The following ACP2 variants were observed in gnomAD, a reference collection of about 807,000 sequenced individuals.
ACP2 encodes the protein lysosomal acid phosphatase.
ACP2 carries 35 observed loss-of-function variants against 54.7 expected under a neutral mutation model. The observed-to-expected ratio is 0.64, with a 90% CI of 0.49 to 0.85. The LOEUF is 0.85. ACP2 is among the 40% of genes least tolerant of loss of function. The pLI is 0.00. For missense variants in ACP2, 492 were observed against 565.0 expected (o/e 0.87, Z 1.31); for synonymous variants, 210 against 224.4 (o/e 0.94, Z 0.57).
intron 6 of ACP2, 76 bp downstream of exon 6, chr11:47,245,229 G>A: frequency 6.7e-7 from 1 of 1,481,796 alleles, no homozygotes; most frequent in East Asian, 2.3e-5. Flanking sequence ...ATCAGGCACT[G>A]TGTTCTACCG....
chr11:47,247,580 G>A, intron 3 of ACP2, 61 bp downstream of exon 3: 1 of 1,597,992 alleles, frequency 6.3e-7, no homozygotes, highest in Non-Finnish European at 8.6e-7. Flanking sequence ...TAGGCTCCCT[G>A]AGGGCAAAAG....
In ACP2 at chr11:47,244,877, G is replaced by A. The variant is rs540263516; in HGVS notation, c.640-10C>T. ...GCAGCCCGTGCGTTTGCTGTGTATC[G>A]CAGCAGGCAGGTTAGCGCCCCAGGC... On this transcript the variant is annotated splice_polypyrimidine_tract_variant and intron_variant, in intron 6 of 10. Transcript: ENST00000672073. 2.1e-5 allele frequency: 34 copies of A among 1,594,810 alleles called. 2 individuals are homozygous for A. Among genetic ancestry groups the A allele is most frequent in the South Asian group, 1.9e-4 (17 of 89,722 alleles).
chr11:47,245,885 T>TGTG (rs1554977125), intron 3 of ACP2, 51 bp from the exon 4 acceptor site: 165 of 1,498,696 alleles, frequency 1.1e-4, no homozygotes, highest in Admixed American at 9.4e-4. Context: ...TGTGTGTGTG[T>TGTG]TGGGGAAGTT....
At position 47,245,522 on chromosome 11, in the gene ACP2, G is replaced by T; in HGVS notation, c.501C>A (p.Asn167Lys). Residue 167 changes from asparagine to lysine, a missense_variant, in exon 5 of 11, where the codon AAC becomes AAA. Asn to Lys is a moderately conservative substitution (Grantham distance 94). Coordinates refer to ENST00000672073, the MANE Select transcript of ACP2 (RefSeq NM_001610.4). Reference sequence around the variant, plus strand: ...GATACTCTGGTGTCTGCCGGGTCTCGTTCTGCAGCTGCTCATAACGGGGAC... The same window carrying T: ...GATACTCTGGTGTCTGCCGGGTCTCTTTCTGCAGCTGCTCATAACGGGGAC... ...GPCPRYEQLQ[N>K]ETRQTPEYQN... The T allele has an allele frequency of 6.2e-7, 1 of 1,614,230 alleles. No individual in the cohort carries two copies.
chr11:47,248,427 C>A (rs1258576415), intron 1 of ACP2: 6 of 1,537,386 alleles, frequency 3.9e-6, no homozygotes, highest in Non-Finnish European at 5.2e-6. Flanking sequence ...TAACCAAAGG[C>A]TTCTTTAGGG....
chr11:47,240,227 T>C lies in ACP2; in HGVS notation c.1161A>G (p.Val387=). Residue 387 remains valine (V), a synonymous_variant, in exon 11 of 11, where the codon GTA becomes GTG. Coordinates refer to ENST00000672073, the MANE Select transcript of ACP2 (RefSeq NM_001610.4). The part of the protein sequence containing the change: ...ADTEVIVALA[V]CGSILFLLIV... ...TGAGGAGGAAGAGGATGGAGCCACA[T>C]ACAGCCAAGGCCACAATCACCTCTG... is the stretch of plus-strand genomic sequence containing the variant. The C allele has an allele frequency of 6.3e-7, 1 of 1,583,664 alleles. No individual in the cohort carries two copies.
At chr11:47,244,600 T>G (rs764089043) in intron 7 of ACP2, 135 bp downstream of exon 7, 4 of 585,898 alleles carry the variant, frequency 6.8e-6, no homozygotes, top group Non-Finnish European at 1.1e-5. Flanking sequence ...ACTAGCGGCA[T>G]GAGGAGGGGG....
At chr11:47,246,418 A>C (rs1954084864) in intron 3 of ACP2, among the ~76,000 whole-genome samples, 1 of 152,014 alleles carries the variant, frequency 6.6e-6, no homozygotes, top group South Asian at 2.1e-4. Context: ...TCTACAAAAA[A>C]AAATTTTTTA....
At position 47,244,722 on chromosome 11, in the gene ACP2, C is replaced by T. The variant is rs761361207; in HGVS notation, c.772+13G>A. Reference sequence around the variant, plus strand: ...CCTGAGGAGTAGAGTGACACGCTGTCCTTGTCACTCACCCCCCTGAAGCCG... The same window carrying T: ...CCTGAGGAGTAGAGTGACACGCTGTTCTTGTCACTCACCCCCCTGAAGCCG... On this transcript the variant is annotated intron_variant, in intron 7 of 10. Coordinates refer to ENST00000672073, the MANE Select transcript of ACP2 (RefSeq NM_001610.4). The T allele has an allele frequency of 6.3e-6, 10 of 1,592,360 alleles. No homozygotes were observed. The East Asian group carries it at 1.6e-4, about 25-fold the overall frequency.
chr11:47,239,905 C>T lies in ACP2; in HGVS notation c.*211G>A. The T allele has an allele frequency of 1.8e-6, 1 of 567,762 alleles. No homozygotes were observed. The highest frequency in any genetic ancestry group is 3.1e-6 in the Non-Finnish European group (1 of 321,686). 35.2% of individuals were successfully genotyped at this position (567,762 alleles called of 1,614,324 possible). ...AATCCTGTTTGGAGAAAGCCAGTGT[C>T]CAACACAGCACTTGGTAAACATCAG... is the stretch of plus-strand genomic sequence containing the variant. On this transcript the variant is annotated 3_prime_UTR_variant, in exon 11 of 11. Transcript: ENST00000672073.
chr11:47,245,175 T>C, intron 6 of ACP2, 130 bp downstream of exon 6: 2 of 1,093,272 alleles, frequency 1.8e-6, no homozygotes, highest in Non-Finnish European at 2.8e-6. Flanking sequence ...GTTCCCGTGT[T>C]TCACAAGCAC....
chr11:47,247,893 G>T, intron 2 of ACP2, 145 bp downstream of exon 2: 2 of 912,838 alleles, frequency 2.2e-6, no homozygotes, highest in Non-Finnish European at 3.3e-6. Context: ...AATATCATGG[G>T]CACAGAGATT....
chr11:47,246,994 G>A (rs943167348), intron 3 of ACP2, among the ~76,000 whole-genome samples: 5 of 152,168 alleles, frequency 3.3e-5, no homozygotes. Flanking sequence ...CAATAACAAT[G>A]TCTATGGATT....
intron 3 of ACP2, among the ~76,000 whole-genome samples, chr11:47,246,495 G>T (rs532492832): frequency 2.0e-5 from 3 of 152,234 alleles, no homozygotes; most frequent in African/African-American, 7.2e-5. Flanking sequence ...AGGATCACTT[G>T]AGCCCAGGAG....
At chr11:47,247,363 T>G (rs562792809) in intron 3 of ACP2, 7 of 531,988 alleles carry the variant, frequency 1.3e-5, no homozygotes, top group African/African-American at 1.1e-4. Flanking sequence ...ATGTCTTGGA[T>G]GGAAAGCCTG....
At chr11:47,247,067 G>A (rs1167122826) in intron 3 of ACP2, among the ~76,000 whole-genome samples, 3 of 152,048 alleles carry the variant, frequency 2.0e-5, no homozygotes, top group African/African-American at 7.2e-5. Flanking sequence ...CCTGGGGTGG[G>A]GCGAAGACTC....
At position 47,242,810 on chromosome 11, in the gene ACP2, G is replaced by T; in HGVS notation, c.1051C>A (p.Leu351Met). ...SLPGCPHRCP[L>M]QDFLRLTEPV... ...TCTGTGAGGCGAAGGAAGTCCTGCA[G>T]TGGGCAGCGGTGAGGGCAGCCAGGC... Residue 351 changes from leucine to methionine, a missense_variant, in exon 10 of 11, where the codon CTG becomes ATG. Physicochemically the swap from Leu to Met is conservative, Grantham distance 15. Transcript: ENST00000672073. 6.8e-6 allele frequency: 11 copies of T among 1,614,206 alleles called. No individual in the cohort carries two copies. Among genetic ancestry groups the T allele is most frequent in the Non-Finnish European group, 9.3e-6 (11 of 1,180,022 alleles).
Position 47,243,110 on chromosome 11 carries a change from C to T in ACP2, c.870G>A (p.Leu290=). ...LLVYSAHDTT[L]VALQMALDVY... ...CATCCAGTGCCATTTGCAGGGCAAC[C>T]AGGGTAGTGTCGTGCTGCGGGGGAG... The change falls in exon 9 of 11, where the codon CTG becomes CTA. Residue 290 remains leucine (L), a synonymous_variant. Coordinates refer to ENST00000672073, the MANE Select transcript of ACP2 (RefSeq NM_001610.4). 1.2e-6 allele frequency: 2 copies of T among 1,614,210 alleles called. No homozygotes were observed. Among genetic ancestry groups the T allele is most frequent in the Non-Finnish European group, 1.7e-6 (2 of 1,180,032 alleles).
intron 1 of ACP2, 102 bp from the exon 2 acceptor site, chr11:47,248,235 T>A: frequency 8.0e-7 from 1 of 1,249,372 alleles, no homozygotes; most frequent in Non-Finnish European, 1.1e-6. Context: ...TCTCATTCCC[T>A]CTGGGAAGCC....
Sources: gnomAD v4.1 joint callset for allele counts (sites outside exome capture counted in the v4.1 genomes callset) on GRCh38, gnomAD v4.1.1 for gene constraint, MANE v1.5 for transcripts, NCBI Gene and HGNC (gene_info 2026-07-23, HGNC 2026-07-21) for gene names.